The following NPHP4 variants were observed in gnomAD, a reference collection of about 807,000 sequenced individuals.
NPHP4 encodes the protein nephrocystin 4.
A neutral mutation model predicts 155.8 loss-of-function variants in NPHP4; 151 were observed. The observed-to-expected ratio is 0.97, with a 90% CI of 0.85 to 1.11. The LOEUF (loss-of-function observed/expected upper bound fraction) is 1.11, where lower values mean the gene tolerates loss of function less well. Ranked by LOEUF, NPHP4 falls within the 50% of genes least tolerant of loss-of-function variation. The pLI, the probability that NPHP4 is intolerant of heterozygous loss-of-function variation, is 0.00. For missense variants in NPHP4, 1,956 were observed against 1,925.7 expected, an observed-to-expected ratio of 1.02 and a Z score of -0.29; for synonymous variants, 845 against 816.8, an observed-to-expected ratio of 1.03 and a Z score of -0.59.
Position 5,976,855 on chromosome 1 carries a change from C to A in NPHP4, c.279+1415G>T, listed in dbSNP as rs986984260. Among the ~76,000 whole-genome samples, 3 of 152,262 alleles carry A rather than the reference C, an allele frequency of 2.0e-5. No homozygotes were observed. The South Asian group carries it at 6.2e-4, about 32-fold the overall frequency. On this transcript the variant is annotated intron_variant, in intron 3 of 29. Transcript: ENST00000378156. Reference sequence around the variant, plus strand: ...GGTACGGAGAGCAACGAGCTCGTGGCCCTAGGTGGGGGTGCTGACTGGCCA... The same window carrying A: ...GGTACGGAGAGCAACGAGCTCGTGGACCTAGGTGGGGGTGCTGACTGGCCA...
chr1:5,953,295 G>A lies in NPHP4; in HGVS notation c.674-459C>T, dbSNP rs374334345. Among the ~76,000 whole-genome samples the A allele has an allele frequency of 6.2e-4, 94 of 152,182 alleles. No individual in the cohort carries two copies. In the South Asian group the frequency reaches 0.016, roughly 26 times the overall value. ...TAATTTTTGTATTTTTAGTAGAGGC[G>A]GGGTTTCACCATATTGGCCGGGCTG... On this transcript the variant is annotated intron_variant, in intron 6 of 29. Coordinates refer to ENST00000378156, the MANE Select transcript of NPHP4 (RefSeq NM_015102.5).
At chr1:5,950,791 C>T (rs908572321) in intron 7 of NPHP4, among the ~76,000 whole-genome samples, 6 of 152,182 alleles carry the variant, frequency 3.9e-5, no homozygotes, top group African/African-American at 1.2e-4. Context: ...GTCCCTTTTA[C>T]TTCCTGCTCG....
chr1:5,909,198 ACTGGCG>A lies in NPHP4; in HGVS notation c.1451_1456del (p.Ala484_Pro485del). 1 of 1,604,038 alleles carries A rather than the reference ACTGGCG, an allele frequency of 6.2e-7. No homozygotes were observed. Among genetic ancestry groups the A allele is most frequent in the Non-Finnish European group, 8.5e-7 (1 of 1,175,692 alleles). On this transcript the variant is annotated inframe_deletion, in exon 12 of 30. Coordinates refer to ENST00000378156, the MANE Select transcript of NPHP4 (RefSeq NM_015102.5). Reference sequence around the variant, plus strand: ...CTGCGGGGCAGCGAGAACTCGAGGTACTGGCGCTGGCGGGCCTGGGAGGAAGCACAG... The same window carrying A: ...CTGCGGGGCAGCGAGAACTCGAGGTACTGGCGGGCCTGGGAGGAAGCACAG...
intron 3 of NPHP4, among the ~76,000 whole-genome samples, chr1:5,970,866 T>C (rs1365059396): frequency 6.6e-6 from 1 of 151,908 alleles, no homozygotes; most frequent in African/African-American, 2.4e-5. Flanking sequence ...GAGATATAAA[T>C]CGTTATTCTA....
intron 2 of NPHP4, among the ~76,000 whole-genome samples, chr1:5,980,560 G>A (rs772040098): frequency 2.6e-5 from 4 of 152,140 alleles, no homozygotes; most frequent in African/African-American, 7.2e-5. Context: ...CCATGTGGGG[G>A]CGGGAGTGGA....
chr1:5,940,077 T>C (rs1485507051), intron 9 of NPHP4, among the ~76,000 whole-genome samples: 1 of 152,068 alleles, frequency 6.6e-6, no homozygotes, highest in Admixed American at 6.5e-5. Flanking sequence ...CATCAAAAGA[T>C]AGTGTAACAT....
intron 18 of NPHP4, 102 bp downstream of exon 18, chr1:5,887,184 G>T: frequency 9.0e-7 from 1 of 1,107,060 alleles, no homozygotes; most frequent in Non-Finnish European, 1.3e-6. Flanking sequence ...TTCCTCCTGG[G>T]CCCGTGAAGC....
intron 11 of NPHP4, among the ~76,000 whole-genome samples, chr1:5,912,849 G>A (rs753680498): frequency 5.3e-5 from 8 of 152,252 alleles, no homozygotes; most frequent in South Asian, 2.1e-4. Context: ...TCACCCCTGC[G>A]GCAGAGGCCT....
chr1:5,876,976 T>C, intron 20 of NPHP4, 117 bp downstream of exon 20: 2 of 696,644 alleles, frequency 2.9e-6, no homozygotes, highest in Non-Finnish European at 4.2e-6. Flanking sequence ...TTATATTCTG[T>C]CCCCAGGATT....
intron 17 of NPHP4, chr1:5,888,586 A>G (rs1277765965): frequency 7.4e-7 from 1 of 1,350,822 alleles, no homozygotes; most frequent in Non-Finnish European, 9.8e-7. Context: ...AGTCACTGGG[A>G]GACTGAGAAG....
rs772030735 is a variant in NPHP4, at chr1:5,887,291, T to A, written c.2480A>T (p.Asn827Ile). 1.9e-6 allele frequency: 3 copies of A among 1,612,530 alleles called. No individual in the cohort carries two copies. The highest frequency in any genetic ancestry group is 2.2e-5 in the South Asian group (2 of 90,890). ...ACAAGGCTGGGGACTCTTACCCACG[T>A]TGGCCAAAGTCAGGTGCAGCCGGCC... is the stretch of plus-strand genomic sequence containing the variant. ...VKGRLHLTLANVGHPCEQKVR... is the reference protein window; with the variant it reads ...VKGRLHLTLAIVGHPCEQKVR... Residue 827 changes from asparagine (N) to isoleucine (I), a missense_variant, in exon 18 of 30, where the codon AAC (asparagine) becomes ATC (isoleucine). By Grantham distance (149) the Asn-to-Ile change is moderately radical. Coordinates refer to ENST00000378156, the MANE Select transcript of NPHP4 (RefSeq NM_015102.5).
intron 28 of NPHP4, 67 bp from the exon 29 acceptor site, chr1:5,864,100 A>T (rs1640931015): frequency 6.4e-7 from 1 of 1,560,472 alleles, no homozygotes; most frequent in East Asian, 2.3e-5. Context: ...CCTTCCTCCA[A>T]GTATTCCCTG....
At chr1:5,899,050 T>C (rs1392309668) in intron 16 of NPHP4, among the ~76,000 whole-genome samples, 3 of 152,188 alleles carry the variant, frequency 2.0e-5, no homozygotes, top group Admixed American at 6.5e-5. Context: ...GGCGAGGACA[T>C]GGCGCTGTCT....
intron 2 of NPHP4, among the ~76,000 whole-genome samples, chr1:5,979,832 G>C (rs1279626557): frequency 6.6e-6 from 1 of 152,030 alleles, no homozygotes; most frequent in African/African-American, 2.4e-5. Context: ...CTAATTTTCT[G>C]TATTACTGAT....
At position 5,904,668 on chromosome 1, in the gene NPHP4, C is replaced by T. The variant is rs1159326978; in HGVS notation, c.2092G>A (p.Ala698Thr). The change falls in exon 16 of 30, where the codon GCC becomes ACC. Residue 698 changes from alanine (A) to threonine (T), a missense_variant. Transcript: ENST00000378156. ...ACAGGCACGAGGATGTGGGTCAGGGCGCCAGAGCTGGGCTGGCCGGCCTCA... is the reference window on the plus strand; with the variant it reads ...ACAGGCACGAGGATGTGGGTCAGGGTGCCAGAGCTGGGCTGGCCGGCCTCA... ...LDEAGQPSSG[A>T]LTHILVPVSR... 6.8e-6 allele frequency: 11 copies of T among 1,613,626 alleles called. No homozygotes were observed. Among genetic ancestry groups the T allele is most frequent in the African/African-American group, 5.3e-5 (4 of 74,934 alleles).
chr1:5,866,515 G>A lies in NPHP4; in HGVS notation c.3559-57C>T. ...CACAGTGCTCTGCCGACCCCAGCCT[G>A]GCCCCTAAATCTGTGACTAATACAC... On this transcript the variant is annotated intron_variant, in intron 25 of 29. Coordinates refer to ENST00000378156, the MANE Select transcript of NPHP4 (RefSeq NM_015102.5). 5 of 1,054,916 alleles carry A rather than the reference G, an allele frequency of 4.7e-6. 1 individual carries two copies. The highest frequency in any genetic ancestry group is 7.2e-6 in the Non-Finnish European group (5 of 690,664). The allele number at this position is 1,054,916 out of a possible 1,614,324, so 65.3% of individuals were successfully genotyped here.
At chr1:5,921,814 T>C (rs72857450) in intron 11 of NPHP4, among the ~76,000 whole-genome samples, 3,210 of 152,346 alleles carry the variant, frequency 0.021, 92 homozygotes, top group African/African-American at 0.07. Flanking sequence ...TGGAATTTAT[T>C]ATTGTACATG....
chr1:5,887,655 G>C (rs1202326494), intron 17 of NPHP4, among the ~76,000 whole-genome samples, 189 bp from the exon 18 acceptor site: 1 of 152,208 alleles, frequency 6.6e-6, no homozygotes, highest in East Asian at 1.9e-4. Context: ...ACGTCTTAAA[G>C]CAGGACTCCT....
chr1:5,964,930 TA>T (rs1380605922), intron 5 of NPHP4, among the ~76,000 whole-genome samples: 71 of 44,148 alleles, frequency 1.6e-3, no homozygotes, highest in African/African-American at 0.01. Context: ...TATATATATA[TA>T]TATATATATA....
Sources: gnomAD v4.1 joint callset for allele counts (sites outside exome capture counted in the v4.1 genomes callset) on GRCh38, gnomAD v4.1.1 for gene constraint, MANE v1.5 for transcripts, NCBI Gene and HGNC (gene_info 2026-07-23, HGNC 2026-07-21) for gene names.